Variants in A1BG observed in about 807,000 individuals in gnomAD.
A1BG encodes the protein alpha-1-B glycoprotein, also known as alpha-1B-glycoprotein.
In A1BG, 44 loss-of-function variants were observed where a neutral mutation model predicts 46.0. The ratio of observed to expected loss-of-function variants is 0.96; its 90% confidence interval spans 0.75 to 1.23. The LOEUF is 1.23. A1BG is among the 50% of genes most tolerant of loss of function. A1BG has a pLI of 0.00. For synonymous variants in A1BG, 316 were observed against 314.7 expected (o/e 1.00, Z -0.04); for missense variants, 707 against 688.8 (o/e 1.03, Z -0.30).
rs1255422192 is a variant in A1BG at position 58,347,438 on chromosome 19, G to A, written c.1395C>T (p.Ala465=). Residue 465 remains alanine (A), a synonymous_variant, in exon 7 of 8, where the codon GCC becomes GCT. Coordinates refer to ENST00000263100, the MANE Select transcript of A1BG (RefSeq NM_130786.4). ...AGCGGTAGCGGCACCTGTAGTTGCCGGCGTGCTGGGGCCCCACGAAGATCA... is the reference window on the plus strand; with the variant it reads ...AGCGGTAGCGGCACCTGTAGTTGCCAGCGTGCTGGGGCCCCACGAAGATCA... ...LELIFVGPQH[A]GNYRCRYRSW... 4 of 1,608,118 alleles carry A rather than the reference G, an allele frequency of 2.5e-6. No individual in the cohort carries two copies. Among genetic ancestry groups the A allele is most frequent in the Admixed American group, 3.4e-5 (2 of 59,652 alleles).
rs2051916092 is a variant in A1BG, at chr19:58,346,790, C to T, written c.*232G>A. ...CCACTCCTCTACCTCAGGAGCCACC[C>T]CAGAACCCATCCACTTTGAGGACAC... On this transcript the variant is annotated 3_prime_UTR_variant, in exon 8 of 8. Coordinates refer to ENST00000263100, the MANE Select transcript of A1BG (RefSeq NM_130786.4). 3 of 650,752 alleles carry T rather than the reference C, an allele frequency of 4.6e-6. No individual in the cohort carries two copies. The East Asian group carries it at 8.2e-5, about 18-fold the overall frequency. 40.3% of individuals were successfully genotyped at this position (650,752 alleles called of 1,614,324 possible).
chr19:58,351,540 C>T lies in A1BG; in HGVS notation c.761G>A (p.Arg254Lys). 1.2e-6 allele frequency: 2 copies of T among 1,613,978 alleles called. No homozygotes were observed. The highest frequency in any genetic ancestry group is 1.7e-6 in the Non-Finnish European group (2 of 1,180,034). Residue 254 changes from arginine to lysine, a missense_variant, in exon 5 of 8, where the codon AGG becomes AAG. Coordinates refer to ENST00000263100, the MANE Select transcript of A1BG (RefSeq NM_130786.4). ...RRGEKELLVP[R>K]SSTSPDRIFF... ...GATGCGATCTGGGCTGGTGCTGCTC[C>T]TGGGTACCAGCAGCTCTTTCTCCCC...
Position 58,353,425 on chromosome 19 carries a change from C to T in A1BG, c.13G>A (p.Val5Met), listed in dbSNP as rs895194706. The part of the protein sequence containing the change: MSML[V>M]VFLLLWGVTW... ...TCACCCCACAGCAAGAGAAAGACCA[C>T]GAGCATGGACATGATGGTCGCGCTC... Residue 5 changes from valine (V) to methionine (M), a missense_variant, in exon 1 of 8, where the codon GTG (valine) becomes ATG (methionine). Coordinates refer to ENST00000263100, the MANE Select transcript of A1BG (RefSeq NM_130786.4). The T allele has an allele frequency of 1.1e-5, 17 of 1,612,368 alleles. No individual in the cohort carries two copies. The highest frequency in any genetic ancestry group is 5.0e-5 in the Admixed American group (3 of 59,790).
Position 58,346,987 on chromosome 19 carries a change from G to GA in A1BG, c.*34dup. ...CCAGTCCAGAATCCCCGGCACTTCT[G>GA]AGGACACCAACAGCACCCTGGGCCC... On this transcript the variant is annotated 3_prime_UTR_variant, in exon 8 of 8. Coordinates refer to ENST00000263100, the MANE Select transcript of A1BG (RefSeq NM_130786.4). 1.2e-6 allele frequency: 2 copies of GA among 1,613,836 alleles called. No homozygotes were observed. The highest frequency in any genetic ancestry group is 1.7e-6 in the Non-Finnish European group (2 of 1,179,748).
chr19:58,347,092 G>A, intron 7 of A1BG, 63 bp from the exon 8 acceptor site: 2 of 1,598,744 alleles, frequency 1.3e-6, no homozygotes, highest in East Asian at 2.2e-5. Flanking sequence ...CCTCCTCGCG[G>A]AAATCAAGGC....
At chr19:58,350,318 C>T in intron 6 of A1BG, 52 bp downstream of exon 6, 2 of 1,493,170 alleles carry the variant, frequency 1.3e-6, no homozygotes, top group Non-Finnish European at 1.8e-6. Flanking sequence ...GACAGGAGGC[C>T]CCGAGGGGCA....
At chr19:58,350,283 C>T in intron 6 of A1BG, 87 bp downstream of exon 6, 9 of 1,432,166 alleles carry the variant, frequency 6.3e-6, no homozygotes, top group Non-Finnish European at 8.3e-6. Flanking sequence ...GCGCCGCCGT[C>T]GGACGCCCAA....
In A1BG at chr19:58,351,691, C is replaced by CA; in HGVS notation, c.614-5dup. On this transcript the variant is annotated splice_region_variant and splice_polypyrimidine_tract_variant and intron_variant, in intron 4 of 7. Coordinates refer to ENST00000263100, the MANE Select transcript of A1BG (RefSeq NM_130786.4). Reference sequence around the variant, plus strand: ...AGCACAGGCGGTGGTGGTGCAGCTGCAATGCAGGCAGCATTACTAGGCTGC... The same window carrying CA: ...AGCACAGGCGGTGGTGGTGCAGCTGCAAATGCAGGCAGCATTACTAGGCTGC... The CA allele has an allele frequency of 6.4e-7, 1 of 1,572,808 alleles. No homozygotes were observed.
intron 6 of A1BG, 22 bp from the exon 7 acceptor site, chr19:58,347,662 T>A (rs1203822371): frequency 7.8e-7 from 1 of 1,275,698 alleles, no homozygotes; most frequent in Admixed American, 3.7e-5. Flanking sequence ...GGGCGGGTGG[T>A]CGGGCCAGGC....
chr19:58,347,514 G>C lies in A1BG; in HGVS notation c.1319C>G (p.Thr440Arg), dbSNP rs751545034. 6.3e-7 allele frequency: 1 copy of C among 1,585,780 alleles called. No individual in the cohort carries two copies. Among genetic ancestry groups the C allele is most frequent in the Non-Finnish European group, 8.6e-7 (1 of 1,165,470 alleles). ...VTFELLREGE[T>R]KAVKTVRTPG... Reference sequence around the variant, plus strand: ...GGTGCGGACCGTCTTCACGGCCTTCGTCTCGCCCTCGCGCAGCAGCTCGAA... The same window carrying C: ...GGTGCGGACCGTCTTCACGGCCTTCCTCTCGCCCTCGCGCAGCAGCTCGAA... Residue 440 changes from threonine (T) to arginine (R), a missense_variant, in exon 7 of 8, where the codon ACG becomes AGG. Transcript: ENST00000263100.
rs776948818 is a variant in A1BG at position 58,347,557 on chromosome 19, G to A, written c.1276C>T (p.Pro426Ser). ...GRDAVLRCEGPIPDVTFELLR... is the reference protein window; with the variant it reads ...GRDAVLRCEGSIPDVTFELLR... The stretch of plus-strand genomic sequence containing the variant: ...AGCTCGAAGGTGACGTCGGGGATGG[G>A]TCCCTCGCAGCGCAGGACGGCATCT... The change falls in exon 7 of 8, where the codon CCC (proline) becomes TCC (serine). Residue 426 changes from proline (P) to serine (S), a missense_variant. Coordinates refer to ENST00000263100, the MANE Select transcript of A1BG (RefSeq NM_130786.4). 1.3e-6 allele frequency: 2 copies of A among 1,559,404 alleles called. No individual in the cohort carries two copies. Among genetic ancestry groups the A allele is most frequent in the Non-Finnish European group, 8.6e-7 (1 of 1,156,862 alleles).
chr19:58,347,529 A>G lies in A1BG; in HGVS notation c.1304T>C (p.Leu435Pro). Residue 435 changes from leucine (L) to proline (P), a missense_variant, in exon 7 of 8, where the codon CTG becomes CCG. Physicochemically the swap from Leu to Pro is moderately conservative, Grantham distance 98 (BLOSUM62 -3). Transcript: ENST00000263100. ...GPIPDVTFEL[L>P]REGETKAVKT... ...CACGGCCTTCGTCTCGCCCTCGCGCAGCAGCTCGAAGGTGACGTCGGGGAT... is the reference window on the plus strand; with the variant it reads ...CACGGCCTTCGTCTCGCCCTCGCGCGGCAGCTCGAAGGTGACGTCGGGGAT... The G allele has an allele frequency of 7.0e-6, 11 of 1,579,064 alleles. No homozygotes were observed. Among genetic ancestry groups the G allele is most frequent in the African/African-American group, 1.4e-5 (1 of 73,658 alleles).
At chr19:58,351,956 T>C in intron 4 of A1BG, 2 of 790,088 alleles carry the variant, frequency 2.5e-6, no homozygotes, top group Non-Finnish European at 1.9e-6. Context: ...CCACCACACC[T>C]GGCTAATTTT....
chr19:58,350,906 T>G (rs1217589746), intron 5 of A1BG: 1 of 436,448 alleles, frequency 2.3e-6, no homozygotes, highest in Non-Finnish European at 4.0e-6. Flanking sequence ...GGACATGTTT[T>G]GTGCATGGCT....
In A1BG at chr19:58,347,426, C is replaced by T. The variant is rs766429748; in HGVS notation, c.1407G>A (p.Arg469=). ...GGGGCACCCAGGAGCGGTAGCGGCA[C>T]CTGTAGTTGCCGGCGTGCTGGGGCC... ...FVGPQHAGNY[R]CRYRSWVPHT... is the part of the protein sequence containing the mutation. The change falls in exon 7 of 8, where the codon AGG becomes AGA. Residue 469 remains arginine, a synonymous_variant. Coordinates refer to ENST00000263100, the MANE Select transcript of A1BG (RefSeq NM_130786.4). 1.9e-6 allele frequency: 3 copies of T among 1,610,300 alleles called. No homozygotes were observed. Among genetic ancestry groups the T allele is most frequent in the Admixed American group, 1.7e-5 (1 of 59,878 alleles).
Position 58,347,409 on chromosome 19 carries a change from C to G in A1BG, c.1424G>C (p.Trp475Ser). 1 of 1,611,792 alleles carries G rather than the reference C, an allele frequency of 6.2e-7. No individual in the cohort carries two copies. Among genetic ancestry groups the G allele is most frequent in the Non-Finnish European group, 8.5e-7 (1 of 1,179,530 alleles). The change falls in exon 7 of 8, where the codon TGG (tryptophan) becomes TCG (serine). Residue 475 changes from tryptophan to serine, a missense_variant. Trp to Ser is a radical substitution (Grantham distance 177, BLOSUM62 -3). Transcript: ENST00000263100. ...CTCCGATTCGAAGGTGTGGGGCACC[C>G]AGGAGCGGTAGCGGCACCTGTAGTT... Reference protein sequence around the residue: ...AGNYRCRYRSWVPHTFESELS... With the variant: ...AGNYRCRYRSSVPHTFESELS...
chr19:58,351,527 G>A lies in A1BG; in HGVS notation c.774C>T (p.Ser258=). 6.2e-7 allele frequency: 1 copy of A among 1,613,954 alleles called. No homozygotes were observed. The highest frequency in any genetic ancestry group is 8.5e-7 in the Non-Finnish European group (1 of 1,180,032). The change falls in exon 5 of 8, where the codon AGC becomes AGT. Residue 258 remains serine (S), a synonymous_variant. Coordinates refer to ENST00000263100, the MANE Select transcript of A1BG (RefSeq NM_130786.4). ...TCAGGTGAAAGAAGATGCGATCTGG[G>A]CTGGTGCTGCTCCTGGGTACCAGCA... The part of the protein sequence containing the change: ...KELLVPRSST[S]PDRIFFHLNA...
chr19:58,351,921 G>T, intron 4 of A1BG: 1 of 701,696 alleles, frequency 1.4e-6, no homozygotes, highest in Non-Finnish European at 2.3e-6. Flanking sequence ...TCAGCCTCCT[G>T]AGTAGCTGGT....
At chr19:58,351,223 C>G in intron 5 of A1BG, 168 bp downstream of exon 5, 1 of 850,394 alleles carries the variant, frequency 1.2e-6, no homozygotes. Context: ...AAGGTTGTCA[C>G]GCTCATCATC....
Sources: allele counts gnomAD v4.1 joint callset, GRCh38; gene constraint gnomAD v4.1.1; transcripts MANE v1.5; gene names NCBI Gene and HGNC (gene_info 2026-07-23, HGNC 2026-07-21).